The following MORN1 variants were observed in gnomAD, a reference collection of about 807,000 sequenced individuals.
MORN1 encodes the protein MORN repeat containing 1.
A neutral mutation model predicts 61.9 loss-of-function variants in MORN1; 67 were observed. The ratio of observed to expected loss-of-function variants is 1.08; its 90% CI spans 0.89 to 1.33. The LOEUF (loss-of-function observed/expected upper bound fraction) is 1.33, where lower values mean the gene tolerates loss of function less well. Among genes scored for constraint, MORN1 ranks in the 40% most tolerant of loss-of-function variants. MORN1 has a pLI of 0.00. For synonymous variants in MORN1, 301 were observed against 292.0 expected (o/e 1.03, Z -0.31); for missense variants, 752 against 691.2 (o/e 1.09, Z -0.99).
intron 12 of MORN1, among the ~76,000 whole-genome samples, chr1:2,333,993 C>T (rs1224406275): frequency 1.3e-5 from 2 of 152,140 alleles, no homozygotes; most frequent in Non-Finnish European, 2.9e-5. Context: ...GGGACCCAGA[C>T]CAGAGGGAGG....
chr1:2,353,482 C>T (rs1003377815), intron 10 of MORN1, among the ~76,000 whole-genome samples: 2 of 152,220 alleles, frequency 1.3e-5, no homozygotes, highest in Admixed American at 6.5e-5. Context: ...CCTCCGACCT[C>T]GGGGTGATGC....
chr1:2,385,377 G>A (rs1381831669), intron 5 of MORN1: 2 of 470,352 alleles, frequency 4.3e-6, no homozygotes, highest in African/African-American at 3.9e-5. Context: ...CAGCCAGTGA[G>A]GCTGAGACTC....
rs1303009007 is a variant in MORN1 at position 2,324,087 on chromosome 1, G to A, written c.1297+10C>T. On this transcript the variant is annotated intron_variant, in intron 13 of 13. Transcript: ENST00000378531. ...ACAGCCGGCGATGGACTTGGGCCCT[G>A]TCCACCTACCTAGGTGTGCTGCCGC... 6.3e-7 allele frequency: 1 copy of A among 1,594,794 alleles called. No individual in the cohort carries two copies. Among genetic ancestry groups the A allele is most frequent in the South Asian group, 1.1e-5 (1 of 88,260 alleles).
At chr1:2,361,765 A>G (rs1045634795) in intron 8 of MORN1, among the ~76,000 whole-genome samples, 1 of 152,180 alleles carries the variant, frequency 6.6e-6, no homozygotes, top group Admixed American at 6.5e-5. Flanking sequence ...GCGGCTGAAC[A>G]TCCACATGTC....
Position 2,370,567 on chromosome 1 carries a change from G to A in MORN1, c.745+1914C>T, listed in dbSNP as rs550472119. On this transcript the variant is annotated intron_variant, in intron 8 of 13. Transcript: ENST00000378531. ...ATGAAAAGATGAGCCGTAGGTGGACGGAAAGCATTTGCAAAGACATATCTG... is the reference window on the plus strand; with the variant it reads ...ATGAAAAGATGAGCCGTAGGTGGACAGAAAGCATTTGCAAAGACATATCTG... Among the ~76,000 whole-genome samples the A allele has an allele frequency of 8.5e-5, 13 of 152,288 alleles. No individual in the cohort carries two copies. In the East Asian group the frequency reaches 1.5e-3, roughly 18 times the overall value.
At chr1:2,344,984 T>C (rs1284009219) in intron 10 of MORN1, among the ~76,000 whole-genome samples, 1 of 149,568 alleles carries the variant, frequency 6.7e-6, no homozygotes, top group Non-Finnish European at 1.5e-5. Context: ...ACACACACCC[T>C]GAAAACGGCG....
At chr1:2,380,726 A>G (rs540226442) in intron 6 of MORN1, among the ~76,000 whole-genome samples, 54 of 151,792 alleles carry the variant, frequency 3.6e-4, no homozygotes, top group Non-Finnish European at 7.1e-4. Flanking sequence ...GTATTGTTTA[A>G]AACTTCTTTT....
At chr1:2,379,005 T>C (rs1442730328) in intron 6 of MORN1, 2 of 470,896 alleles carry the variant, frequency 4.2e-6, no homozygotes, top group Non-Finnish European at 8.8e-6. Flanking sequence ...TTTTCAGGAA[T>C]GCATTTTTTT....
At chr1:2,385,574 A>C in intron 5 of MORN1, 1 of 373,862 alleles carries the variant, frequency 2.7e-6, no homozygotes, top group East Asian at 5.1e-5. Context: ...TGTTTTATCT[A>C]AACACACAAT....
chr1:2,331,368 G>T (rs759924589), intron 12 of MORN1, among the ~76,000 whole-genome samples: 1 of 152,226 alleles, frequency 6.6e-6, no homozygotes, highest in African/African-American at 2.4e-5. Context: ...GTGGCCACAG[G>T]GGTGGGCGGG....
intron 8 of MORN1, among the ~76,000 whole-genome samples, chr1:2,369,330 G>A (rs117482817): frequency 7.2e-6 from 1 of 138,122 alleles, no homozygotes; most frequent in African/African-American, 2.6e-5. Context: ...CTCTAGCCTG[G>A]ATGACAGAGC....
At position 2,391,441 on chromosome 1, in the gene MORN1, TGGCCCGCAGTCGTTACCGTTCCGG is replaced by T. The variant is rs1642661836; in HGVS notation, c.69_76+16del. ...CCAGGGCAGCCAGCGACCTGTCCCG[TGGCCCGCAGTCGTTACCGTTCCGG>T]GGCGGCCGCCTAGGCGGGTCCCGAC... On this transcript the variant is annotated splice_donor_variant and splice_donor_5th_base_variant and coding_sequence_variant and intron_variant, in exon 1 of 14. Coordinates refer to ENST00000378531, the MANE Select transcript of MORN1 (RefSeq NM_024848.3). LOFTEE classifies it high-confidence loss of function. The T allele has an allele frequency of 8.0e-7, 1 of 1,256,788 alleles. No individual in the cohort carries two copies. Among genetic ancestry groups the T allele is most frequent in the Non-Finnish European group, 1.0e-6 (1 of 993,118 alleles). The allele number at this position is 1,256,788 out of a possible 1,614,324, so 77.9% of individuals were successfully genotyped here. A position where few individuals can be genotyped will look rare whatever the true frequency, so the allele number is the denominator to read the frequency against.
At chr1:2,323,244 C>T in intron 13 of MORN1, 1 of 985,400 alleles carries the variant, frequency 1.0e-6, no homozygotes, top group Non-Finnish European at 1.2e-6. Flanking sequence ...TGGCTACAGC[C>T]CCGGCCACAC....
Position 2,372,593 on chromosome 1 carries a change from T to G in MORN1, c.635-2A>C. On this transcript the variant is annotated splice_acceptor_variant, in intron 7 of 13. Transcript: ENST00000378531. LOFTEE classifies it high-confidence loss of function. The surrounding 1 kb of genome is among the most constrained non-coding windows in gnomAD (Gnocchi z 5.4). Reference sequence around the variant, plus strand: ...AGATCACGATCCTCGTAGCTTGTTCTGGGAGAGGACAGAGTGTGGCTTTAG... The same window carrying G: ...AGATCACGATCCTCGTAGCTTGTTCGGGGAGAGGACAGAGTGTGGCTTTAG... 1.2e-6 allele frequency: 2 copies of G among 1,611,866 alleles called. No homozygotes were observed. The highest frequency in any genetic ancestry group is 2.2e-5 in the South Asian group (2 of 90,722).
At position 2,323,674 on chromosome 1, in the gene MORN1, G is replaced by A; in HGVS notation, c.1297+423C>T. ...CCCACAGCAGCCCCCACGCTGGGAG[G>A]AGCCTTCCGCCCAGCCCAGGCCCAC... is the stretch of plus-strand genomic sequence containing the variant. On this transcript the variant is annotated intron_variant, in intron 13 of 13. Transcript: ENST00000378531. 7.1e-6 allele frequency: 7 copies of A among 985,218 alleles called. No individual in the cohort carries two copies. In the South Asian group the frequency reaches 1.9e-4, roughly 26 times the overall value. 61.0% of individuals were successfully genotyped at this position (985,218 alleles called of 1,614,324 possible).
chr1:2,340,654 C>T (rs1557872741), intron 10 of MORN1, among the ~76,000 whole-genome samples: 1 of 152,232 alleles, frequency 6.6e-6, no homozygotes, highest in Non-Finnish European at 1.5e-5. Flanking sequence ...GACCTTGTCA[C>T]TCACCGGCTC....
At chr1:2,385,157 CA>C in intron 5 of MORN1, 92 bp from the exon 6 acceptor site, 2 of 1,335,766 alleles carry the variant, frequency 1.5e-6, no homozygotes, top group Non-Finnish European at 2.1e-6. Flanking sequence ...GCTCCGCAGG[CA>C]CTGCGGGACC....
rs1557871581 is a variant in MORN1, at chr1:2,337,662, C to T, written c.1037-812G>A. Among the ~76,000 whole-genome samples the T allele has an allele frequency of 6.6e-6, 1 of 152,202 alleles. No homozygotes were observed. Among genetic ancestry groups the T allele is most frequent in the Non-Finnish European group, 1.5e-5 (1 of 68,044 alleles). ...GCCCCTCCACACACACACATCAGAG[C>T]CCACGTTCCTACGAGCAGCTCGGAG... On this transcript the variant is annotated intron_variant, in intron 10 of 13. Transcript: ENST00000378531. The surrounding 1 kb of genome is among the most constrained non-coding windows in gnomAD (Gnocchi z 5.7).
chr1:2,385,224 A>C, intron 5 of MORN1, 159 bp from the exon 6 acceptor site: 1 of 703,998 alleles, frequency 1.4e-6, no homozygotes, highest in Non-Finnish European at 2.4e-6. Context: ...CGCCAGGGCC[A>C]GCTGGGGGCC....
Sources: allele counts gnomAD v4.1 joint callset (sites outside exome capture counted in the v4.1 genomes callset), GRCh38; gene constraint gnomAD v4.1.1; non-coding constraint Gnocchi (gnomAD v3.1); transcripts MANE v1.5; gene names NCBI Gene and HGNC (gene_info 2026-07-23, HGNC 2026-07-21).